Variants in DHX57 observed in about 807,000 individuals in gnomAD.
DHX57 encodes the protein putative ATP-dependent RNA helicase DHX57.
In DHX57, 105 loss-of-function variants were observed where a neutral mutation model predicts 156.2. The observed-to-expected ratio is 0.67, with a 90% CI of 0.57 to 0.79. DHX57 has a LOEUF of 0.79. Among genes scored for constraint, DHX57 ranks in the 30% least tolerant of loss-of-function variants. The pLI, the probability that DHX57 is intolerant of heterozygous loss-of-function variation, is 0.00. For synonymous variants in DHX57, 704 were observed against 595.6 expected, an observed-to-expected ratio of 1.18 and a Z score of -2.65; for missense variants, 1,847 against 1,661.9, an observed-to-expected ratio of 1.11 and a Z score of -1.94.
rs140051981 is a variant in DHX57 at position 38,837,897 on chromosome 2, C to A, written c.2476G>T (p.Val826Leu). 1 of 1,613,776 alleles carries A rather than the reference C, an allele frequency of 6.2e-7. No individual in the cohort carries two copies. Among genetic ancestry groups the A allele is most frequent in the African/African-American group, 1.3e-5 (1 of 74,896 alleles). ...AAGGCCTCTATTAATTCAAGATTCA[C>A]CTTTTCAAAATCCATGATGGACATT... ...KTMSIMDFEK[V>L]NLELIEALLE... Residue 826 changes from valine (V) to leucine (L), a missense_variant, in exon 13 of 24, where the codon GTG becomes TTG. Val to Leu is a conservative substitution (Grantham distance 32). Coordinates refer to ENST00000457308, the MANE Select transcript of DHX57 (RefSeq NM_198963.3).
intron 23 of DHX57, among the ~76,000 whole-genome samples, chr2:38,800,682 T>G (rs1669640333): frequency 6.6e-6 from 1 of 152,170 alleles, no homozygotes; most frequent in South Asian, 2.1e-4. Context: ...TGGCTCTTCT[T>G]CTGGACCATA....
At chr2:38,829,315 T>C (rs1160698310) in intron 13 of DHX57, among the ~76,000 whole-genome samples, 2 of 148,656 alleles carry the variant, frequency 1.3e-5, no homozygotes, top group Non-Finnish European at 3.0e-5. Flanking sequence ...AGTGTCTTGC[T>C]CTGTTGCCCA....
chr2:38,836,022 G>A (rs531056493), intron 13 of DHX57, among the ~76,000 whole-genome samples: 19 of 152,166 alleles, frequency 1.2e-4, no homozygotes, highest in Non-Finnish European at 2.4e-4. Context: ...AGACAATGAG[G>A]AAGAAGATGT....
intron 9 of DHX57, among the ~76,000 whole-genome samples, chr2:38,849,521 A>G (rs565774028): frequency 6.8e-6 from 1 of 147,460 alleles, no homozygotes; most frequent in South Asian, 2.3e-4. Flanking sequence ...AGACCAACCT[A>G]GCCGATATAG....
intron 12 of DHX57, among the ~76,000 whole-genome samples, chr2:38,841,145 T>G (rs1460725533): frequency 6.6e-6 from 1 of 152,210 alleles, no homozygotes; most frequent in East Asian, 1.9e-4. Context: ...TCTTGTTCCA[T>G]AATTTAATGG....
At position 38,815,579 on chromosome 2, in the gene DHX57, C is replaced by T. The variant is rs1670501218; in HGVS notation, c.3548G>A (p.Arg1183Lys). 1 of 1,614,094 alleles carries T rather than the reference C, an allele frequency of 6.2e-7. No homozygotes were observed. Among genetic ancestry groups the T allele is most frequent in the East Asian group, 2.2e-5 (1 of 44,878 alleles). The change falls in exon 20 of 24, where the codon AGG becomes AAG. Residue 1183 changes from arginine (R) to lysine (K), a missense_variant. By Grantham distance (26) the Arg-to-Lys change is conservative. Coordinates refer to ENST00000457308, the MANE Select transcript of DHX57 (RefSeq NM_198963.3). ...TCCTTGGGCCCTTTTCTCAATTTCCCTTGCTCTGAGCCCTTCCCTTGCAAA... is the reference window on the plus strand; with the variant it reads ...TCCTTGGGCCCTTTTCTCAATTTCCTTTGCTCTGAGCCCTTCCCTTGCAAA... ...IGFAREGLRA[R>K]EIEKRAQGGD...
At position 38,861,857 on chromosome 2, in the gene DHX57, A is replaced by G. The variant is rs1673242633; in HGVS notation, c.573-20T>C. On this transcript the variant is annotated intron_variant, in intron 4 of 23. Transcript: ENST00000457308. ...CCATACCTGTCAAGGGCAAAACATG[A>G]CAAAAATGACACATAAAAAGCAGTA... The G allele has an allele frequency of 6.4e-7, 1 of 1,552,962 alleles. No homozygotes were observed. Among genetic ancestry groups the G allele is most frequent in the Non-Finnish European group, 8.7e-7 (1 of 1,152,174 alleles).
intron 23 of DHX57, among the ~76,000 whole-genome samples, chr2:38,798,939 T>TC (rs1047509038): frequency 2.0e-5 from 3 of 151,196 alleles, no homozygotes; most frequent in Admixed American, 1.3e-4. Flanking sequence ...CGAGACTCTG[T>TC]CCCCCCTGCT....
rs559672233 is a variant in DHX57, at chr2:38,836,552, T to A, written c.2542+1279A>T. ...ACTTTGGGAGGCCAAGGTGGGTGGA[T>A]CATGTGAGGTCAGGAGTTCAAGACC... On this transcript the variant is annotated intron_variant, in intron 13 of 23. Coordinates refer to ENST00000457308, the MANE Select transcript of DHX57 (RefSeq NM_198963.3). Among the ~76,000 whole-genome samples, 7 of 152,140 alleles carry A rather than the reference T, an allele frequency of 4.6e-5. No individual in the cohort carries two copies. The South Asian group carries it at 6.2e-4, about 14-fold the overall frequency.
chr2:38,856,326 A>C lies in DHX57; in HGVS notation c.1709+14T>G. The C allele has an allele frequency of 6.2e-7, 1 of 1,603,660 alleles. No individual in the cohort carries two copies. The highest frequency in any genetic ancestry group is 1.3e-5 in the African/African-American group (1 of 74,390). On this transcript the variant is annotated intron_variant, in intron 7 of 23. Coordinates refer to ENST00000457308, the MANE Select transcript of DHX57 (RefSeq NM_198963.3). ...TATAGATGAAAGCTACAGATGAATA[A>C]ACTGCATTCTTACCCAGTCATACCA... is the stretch of plus-strand genomic sequence containing the variant.
intron 1 of DHX57, among the ~76,000 whole-genome samples, chr2:38,869,274 G>T (rs1665243768): frequency 1.3e-5 from 2 of 152,212 alleles, no homozygotes; most frequent in East Asian, 3.8e-4. Flanking sequence ...TTTTTCCAAA[G>T]GACTGACTCC....
At chr2:38,803,079 G>C in intron 22 of DHX57, 164 bp from the exon 23 acceptor site, 1 of 647,256 alleles carries the variant, frequency 1.5e-6, no homozygotes, top group Non-Finnish European at 2.6e-6. Context: ...CTATTGACTT[G>C]CCATCTCCTC....
intron 13 of DHX57, among the ~76,000 whole-genome samples, chr2:38,830,278 T>A (rs1421871612): frequency 6.6e-6 from 1 of 152,176 alleles, no homozygotes; most frequent in Non-Finnish European, 1.5e-5. Context: ...TACCTCACAG[T>A]AACAAAGAAT....
At chr2:38,813,799 T>C in intron 21 of DHX57, 22 bp downstream of exon 21, 1 of 1,612,714 alleles carries the variant, frequency 6.2e-7, no homozygotes, top group Non-Finnish European at 8.5e-7. Context: ...AATGGAAAGA[T>C]CTAGGAAAAA....
chr2:38,806,471 G>A (rs1558352708), intron 22 of DHX57, 88 bp downstream of exon 22: 1 of 1,454,818 alleles, frequency 6.9e-7, no homozygotes, highest in Non-Finnish European at 9.4e-7. Flanking sequence ...GACAGCAAGT[G>A]ATAGAACATG....
chr2:38,854,959 T>C, intron 8 of DHX57, 98 bp downstream of exon 8: 1 of 1,115,398 alleles, frequency 9.0e-7, no homozygotes. Context: ...CCTGAAAGTA[T>C]ATATCCCAAA....
rs78718179 is a variant in DHX57, at chr2:38,826,055, G to T, written c.2814-8C>A. The T allele has an allele frequency of 6.2e-7, 1 of 1,610,794 alleles. No homozygotes were observed. Among genetic ancestry groups the T allele is most frequent in the East Asian group, 2.2e-5 (1 of 44,802 alleles). On this transcript the variant is annotated splice_polypyrimidine_tract_variant and splice_region_variant and intron_variant, in intron 15 of 23. Transcript: ENST00000457308. ...CCTTTGCTGGCATCATATCTATAAA[G>T]AAAAAGAAAATATAAATTGAGTCAT...
chr2:38,863,623 G>C, intron 2 of DHX57, 104 bp from the exon 3 acceptor site: 1 of 1,032,470 alleles, frequency 9.7e-7, no homozygotes, highest in African/African-American at 1.6e-5. Context: ...GGATTGTCAA[G>C]TATCTTACAA....
intron 9 of DHX57, among the ~76,000 whole-genome samples, chr2:38,851,427 T>G (rs1476193154): frequency 6.6e-6 from 1 of 152,242 alleles, no homozygotes; most frequent in Admixed American, 6.5e-5. Context: ...CTGATTTTTG[T>G]TCCTAGATTT....
Sources: gnomAD v4.1 joint callset for allele counts (sites outside exome capture counted in the v4.1 genomes callset) on GRCh38, gnomAD v4.1.1 for gene constraint, MANE v1.5 for transcripts, NCBI Gene and HGNC (gene_info 2026-07-23, HGNC 2026-07-21) for gene names.